TTC7B: variants seen among roughly 807,000 people sequenced by gnomAD.
TTC7B encodes tetratricopeptide repeat protein 7B.
A neutral mutation model predicts 106.8 loss-of-function variants in TTC7B; 28 were observed. That is an observed-to-expected ratio of 0.26 (90% CI 0.19 to 0.36). The LOEUF (loss-of-function observed/expected upper bound fraction) is 0.36. Among genes scored for constraint, TTC7B ranks in the 10% least tolerant of loss-of-function variants. TTC7B has a pLI of 1.00. For missense variants in TTC7B, 862 were observed against 1,076.4 expected, an observed-to-expected ratio of 0.80 and a Z score of 2.79; for synonymous variants, 405 against 430.6, an observed-to-expected ratio of 0.94 and a Z score of 0.74.
chr14:90,625,303 C>T (rs967495428), intron 15 of TTC7B, among the ~76,000 whole-genome samples: 3 of 152,204 alleles, frequency 2.0e-5, no homozygotes, highest in African/African-American at 7.2e-5. Context: ...CAGCCCAGTG[C>T]TGCCCAAGGA....
chr14:90,778,066 A>G (rs28593064), intron 3 of TTC7B, among the ~76,000 whole-genome samples: 47,691 of 151,996 alleles, frequency 0.31, 10,623 homozygotes, highest in African/African-American at 0.64. Context: ...GTCAGGGCCG[A>G]TGCTCATAAC....
intron 17 of TTC7B, among the ~76,000 whole-genome samples, chr14:90,599,232 C>T (rs563799774): frequency 1.3e-4 from 20 of 152,318 alleles, no homozygotes; most frequent in African/African-American, 4.8e-4. Flanking sequence ...GTATTTGTCA[C>T]ACGCAAGTGT....
At position 90,536,867 on chromosome 14, in the gene TTC7B, A is replaced by G. The variant is rs1289030378; in HGVS notation, c.*4501T>C. 6.6e-6 allele frequency: 1 copy of G among 152,324 alleles called. No homozygotes were observed. The highest frequency in any genetic ancestry group is 2.4e-5 in the African/African-American group (1 of 41,472). 9.4% of individuals were successfully genotyped at this position (152,324 alleles called of 1,614,324 possible). ...AGATGGAGCGATGCAGATGTGATTG[A>G]ACGAAGGCTCTCGAGGTGGGGCAAT... On this transcript the variant is annotated 3_prime_UTR_variant, in exon 20 of 20. Transcript: ENST00000328459.
chr14:90,689,024 A>G (rs990231977), intron 7 of TTC7B, among the ~76,000 whole-genome samples: 1 of 152,136 alleles, frequency 6.6e-6, no homozygotes, highest in Non-Finnish European at 1.5e-5. Flanking sequence ...ATCAAGTCTC[A>G]AATTTAAAAC....
chr14:90,633,363 C>T (rs1037875668), intron 15 of TTC7B, among the ~76,000 whole-genome samples: 1 of 152,166 alleles, frequency 6.6e-6, no homozygotes, highest in Non-Finnish European at 1.5e-5. Context: ...GGAAGAATTG[C>T]ATAACCACAA....
chr14:90,724,302 T>C (rs1889006593), intron 5 of TTC7B, among the ~76,000 whole-genome samples: 1 of 152,182 alleles, frequency 6.6e-6, no homozygotes, highest in South Asian at 2.1e-4. Flanking sequence ...CCATGAATTC[T>C]AGGAGGGCAG....
intron 8 of TTC7B, chr14:90,677,803 C>T (rs1886899983): frequency 4.4e-6 from 2 of 454,570 alleles, no homozygotes; most frequent in Non-Finnish European, 8.8e-6. Flanking sequence ...TACTTTTAGC[C>T]ACCCATCAGT....
intron 15 of TTC7B, among the ~76,000 whole-genome samples, chr14:90,621,755 C>G (rs1301523977): frequency 6.6e-6 from 1 of 152,218 alleles, no homozygotes; most frequent in East Asian, 1.9e-4. Context: ...TTCCTCAAAC[C>G]TCAGCTTGTT....
chr14:90,674,479 C>G (rs1427898726), intron 9 of TTC7B, among the ~76,000 whole-genome samples: 1 of 152,218 alleles, frequency 6.6e-6, no homozygotes, highest in South Asian at 2.1e-4. Flanking sequence ...GTATCCAACC[C>G]CTAGATAAGG....
rs147731092 is a variant in TTC7B, at chr14:90,541,494, G to C, written c.2406C>G (p.Asn802Lys). ...QVNSTAHEVW[N>K]GLGEVLQAQG... The stretch of plus-strand genomic sequence containing the variant: ...GAGCTTGGAGGACCTCGCCCAGCCC[G>C]TTCCAGACCTCGTGGGCTGTCGAGT... The change falls in exon 20 of 20, where the codon AAC (asparagine) becomes AAG (lysine). Residue 802 changes from asparagine to lysine, a missense_variant. By Grantham distance (94) the Asn-to-Lys change is moderately conservative. Transcript: ENST00000328459. 1 of 1,614,068 alleles carries C rather than the reference G, an allele frequency of 6.2e-7. No individual in the cohort carries two copies. Among genetic ancestry groups the C allele is most frequent in the Non-Finnish European group, 8.5e-7 (1 of 1,179,958 alleles).
chr14:90,628,496 C>T (rs1270142505), intron 15 of TTC7B, among the ~76,000 whole-genome samples: 3 of 152,220 alleles, frequency 2.0e-5, no homozygotes, highest in African/African-American at 7.2e-5. Flanking sequence ...CAGACAACGG[C>T]AGATGCCAGA....
At chr14:90,609,544 C>G (rs547998034) in intron 17 of TTC7B, among the ~76,000 whole-genome samples, 1 of 152,196 alleles carries the variant, frequency 6.6e-6, no homozygotes, top group South Asian at 2.1e-4. Flanking sequence ...GTGCAAGACT[C>G]AGAGCTGCTC....
At chr14:90,631,780 G>A (rs1884715970) in intron 15 of TTC7B, among the ~76,000 whole-genome samples, 1 of 152,094 alleles carries the variant, frequency 6.6e-6, no homozygotes. Flanking sequence ...GTCAACACTT[G>A]TGACTTTGTT....
Position 90,541,600 on chromosome 14 carries a change from C to CAGAGAG in TTC7B, c.2311-17_2311-12dup, listed in dbSNP as rs145392805. 1.3e-6 allele frequency: 2 copies of CAGAGAG among 1,532,470 alleles called. No homozygotes were observed. Among genetic ancestry groups the CAGAGAG allele is most frequent in the Non-Finnish European group, 8.9e-7 (1 of 1,129,728 alleles). The allele number at this position is 1,532,470 out of a possible 1,614,324, so 94.9% of individuals were successfully genotyped here. On this transcript the variant is annotated splice_polypyrimidine_tract_variant and intron_variant, in intron 19 of 19. Coordinates refer to ENST00000328459, the MANE Select transcript of TTC7B (RefSeq NM_001010854.2). Reference sequence around the variant, plus strand: ...GTGAAGGATCAGGGCCTGGAGAGGTCAGAGAGAGAGAGAGACAGTCAGCCA... The same window carrying CAGAGAG: ...GTGAAGGATCAGGGCCTGGAGAGGTCAGAGAGAGAGAGAGAGAGAGACAGTCAGCCA...
rs555332918 is a variant in TTC7B at position 90,804,082 on chromosome 14, T to A, written c.121+12093A>T. On this transcript the variant is annotated intron_variant, in intron 1 of 19. Coordinates refer to ENST00000328459, the MANE Select transcript of TTC7B (RefSeq NM_001010854.2). Reference sequence around the variant, plus strand: ...CGGGCGTTGTGGCTCACGCCTGTAATCCCAGCACTTTGGAAGGCCGAAGCA... The same window carrying A: ...CGGGCGTTGTGGCTCACGCCTGTAAACCCAGCACTTTGGAAGGCCGAAGCA... Among the ~76,000 whole-genome samples the A allele has an allele frequency of 9.2e-5, 14 of 152,236 alleles. No homozygotes were observed. In the South Asian group the frequency reaches 1.9e-3, roughly 20 times the overall value.
chr14:90,568,162 TG>T (rs1482875705), intron 19 of TTC7B, among the ~76,000 whole-genome samples: 2 of 151,854 alleles, frequency 1.3e-5, no homozygotes, highest in Admixed American at 6.6e-5. Context: ...GTGTGGGGGA[TG>T]GGGGTGGCTG....
intron 18 of TTC7B, 25 bp downstream of exon 18, chr14:90,593,461 G>A (rs556730886): frequency 2.1e-5 from 33 of 1,554,268 alleles, no homozygotes; most frequent in Admixed American, 1.5e-4. Context: ...GCACAGCAGC[G>A]GGTTGTGGGT....
intron 1 of TTC7B, among the ~76,000 whole-genome samples, chr14:90,797,629 T>C (rs906299254): frequency 2.0e-4 from 31 of 152,146 alleles, no homozygotes; most frequent in African/African-American, 6.7e-4. Flanking sequence ...TAAATTAGCA[T>C]GAGTGTCTCC....
intron 15 of TTC7B, among the ~76,000 whole-genome samples, chr14:90,631,300 T>G (rs1232223259): frequency 6.6e-6 from 1 of 152,208 alleles, no homozygotes; most frequent in African/African-American, 2.4e-5. Flanking sequence ...GTCCCTGTTT[T>G]CAATTCTTTT....
Sources: allele counts gnomAD v4.1 joint callset (sites outside exome capture counted in the v4.1 genomes callset), GRCh38; gene constraint gnomAD v4.1.1; transcripts MANE v1.5; gene names NCBI Gene and HGNC (gene_info 2026-07-23, HGNC 2026-07-21).